Variants in ATP8A2 observed in about 807,000 individuals in gnomAD.
The protein encoded by ATP8A2 is phospholipid-transporting ATPase IB.
Under a neutral mutation model 165.6 loss-of-function variants are expected in ATP8A2, and 100 were observed. The ratio of observed to expected loss-of-function variants is 0.60; its 90% CI spans 0.51 to 0.71. ATP8A2 has a LOEUF of 0.71. Ranked by LOEUF, ATP8A2 falls within the 30% of genes least tolerant of loss-of-function variation. ATP8A2 has a pLI of 0.00. For missense variants in ATP8A2, 1,227 were observed against 1,479.5 expected, an observed-to-expected ratio of 0.83 and a Z score of 2.80; for synonymous variants, 543 against 548.8, an observed-to-expected ratio of 0.99 and a Z score of 0.15.
chr13:25,465,707 C>CTTTCTTTCTTTCTTTCT (rs2035629265), intron 1 of ATP8A2, among the ~76,000 whole-genome samples: 11 of 22,862 alleles, frequency 4.8e-4, no homozygotes, highest in African/African-American at 9.9e-4. Flanking sequence ...TTCTTTCTTT[C>CTTTCTTTCTTTCTTTCT]TTTCTTTCTT....
chr13:25,885,900 A>G (rs1399227918), intron 33 of ATP8A2, among the ~76,000 whole-genome samples: 1 of 152,156 alleles, frequency 6.6e-6, no homozygotes. Flanking sequence ...CAGGATCCCT[A>G]GTGAAGGAAG....
chr13:25,995,652 T>C (rs1956484839), intron 35 of ATP8A2, among the ~76,000 whole-genome samples: 1 of 152,086 alleles, frequency 6.6e-6, no homozygotes, highest in Non-Finnish European at 1.5e-5. Flanking sequence ...GTTTGTAGCA[T>C]GTATTGTGTA....
intron 27 of ATP8A2, among the ~76,000 whole-genome samples, chr13:25,819,842 C>T (rs956350646): frequency 2.0e-5 from 3 of 152,188 alleles, no homozygotes; most frequent in Admixed American, 6.5e-5. Flanking sequence ...TCAAAAAAAA[C>T]CTGAAGCATT....
intron 18 of ATP8A2, among the ~76,000 whole-genome samples, chr13:25,573,460 G>A (rs1240801857): frequency 1.3e-5 from 2 of 152,148 alleles, no homozygotes; most frequent in Non-Finnish European, 2.9e-5. Flanking sequence ...GTAGATAACA[G>A]TAATAAAAAG....
At chr13:25,680,138 G>A (rs1055433258) in intron 24 of ATP8A2, among the ~76,000 whole-genome samples, 4 of 152,146 alleles carry the variant, frequency 2.6e-5, no homozygotes, top group Non-Finnish European at 4.4e-5. Flanking sequence ...GAAAAGATAC[G>A]TTGAGTTGTT....
rs1358877367 is a variant in ATP8A2 at position 25,624,733 on chromosome 13, TG to T, written c.2211+35036del. ...TGTGTGAGTTACACTTGCACAGGGG[TG>T]GTCTTGTCTCTGAGCTGCTTTCAGA... On this transcript the variant is annotated intron_variant, in intron 24 of 36. Coordinates refer to ENST00000381655, the MANE Select transcript of ATP8A2 (RefSeq NM_016529.6). Among the ~76,000 whole-genome samples the T allele has an allele frequency of 2.0e-5, 3 of 152,142 alleles. No homozygotes were observed. The East Asian group carries it at 5.8e-4, about 29-fold the overall frequency.
chr13:25,423,897 A>C (rs541752937), intron 1 of ATP8A2, among the ~76,000 whole-genome samples: 59 of 152,322 alleles, frequency 3.9e-4, no homozygotes, highest in Admixed American at 9.2e-4. Flanking sequence ...GTGTGTACAA[A>C]TAATTCTAAC....
intron 1 of ATP8A2, among the ~76,000 whole-genome samples, chr13:25,427,772 T>C (rs2034492416): frequency 6.6e-6 from 1 of 152,090 alleles, no homozygotes; most frequent in Admixed American, 6.6e-5. Context: ...CAGGTGCTTG[T>C]AGTCCCAGCT....
intron 33 of ATP8A2, among the ~76,000 whole-genome samples, chr13:25,911,230 G>A (rs1954096428): frequency 6.6e-6 from 1 of 152,186 alleles, no homozygotes; most frequent in African/African-American, 2.4e-5. Flanking sequence ...GATGACAAAA[G>A]AACTAATGTT....
At chr13:25,521,236 G>A (rs1386552116) in intron 2 of ATP8A2, among the ~76,000 whole-genome samples, 9 of 152,042 alleles carry the variant, frequency 5.9e-5, no homozygotes. Context: ...TAGCTGTTGA[G>A]TTGTTTGAGC....
intron 24 of ATP8A2, among the ~76,000 whole-genome samples, chr13:25,662,310 A>G (rs933700123): frequency 1.3e-5 from 2 of 152,208 alleles, no homozygotes; most frequent in Non-Finnish European, 2.9e-5. Context: ...TTTGTGGGCT[A>G]CATTCTTGGC....
At chr13:25,620,804 G>A (rs1046992323) in intron 24 of ATP8A2, among the ~76,000 whole-genome samples, 2 of 152,192 alleles carry the variant, frequency 1.3e-5, no homozygotes, top group African/African-American at 4.8e-5. Flanking sequence ...TAGGCACAAT[G>A]TAGCTTGCTG....
At chr13:25,681,899 G>C (rs1271419562) in intron 24 of ATP8A2, among the ~76,000 whole-genome samples, 2 of 151,204 alleles carry the variant, frequency 1.3e-5, no homozygotes, top group African/African-American at 4.8e-5. Flanking sequence ...ACTTGGGACT[G>C]ACTGCCTTGG....
Position 25,397,047 on chromosome 13 carries a change from G to A in ATP8A2, c.76+24759G>A, listed in dbSNP as rs370906820. Among the ~76,000 whole-genome samples the A allele has an allele frequency of 4.6e-5, 7 of 152,156 alleles. No individual in the cohort carries two copies. The East Asian group carries it at 1.4e-3, about 29-fold the overall frequency. ...AAGGCGTGCCCCTTGGTGGGGGTGG[G>A]GGTGGCTGTTTTCGCTGAGTTAAAT... On this transcript the variant is annotated intron_variant, in intron 1 of 36. Transcript: ENST00000381655.
At chr13:25,472,692 C>T (rs1355267327) in intron 2 of ATP8A2, among the ~76,000 whole-genome samples, 1 of 152,066 alleles carries the variant, frequency 6.6e-6, no homozygotes, top group Non-Finnish European at 1.5e-5. Context: ...TATCCCAGTT[C>T]CTTTGCCCCT....
chr13:25,867,653 C>T (rs567643298), intron 33 of ATP8A2, among the ~76,000 whole-genome samples: 6 of 152,304 alleles, frequency 3.9e-5, no homozygotes, highest in Non-Finnish European at 1.5e-5. Context: ...GTGAAAGCTT[C>T]ATCCCATCCC....
chr13:25,593,352 C>T (rs1172084159), intron 24 of ATP8A2, among the ~76,000 whole-genome samples: 1 of 152,084 alleles, frequency 6.6e-6, no homozygotes, highest in Non-Finnish European at 1.5e-5. Context: ...TTCATCAGAC[C>T]AGTAAGTATG....
chr13:25,445,655 T>C (rs370991900), intron 1 of ATP8A2, among the ~76,000 whole-genome samples: 4 of 152,226 alleles, frequency 2.6e-5, no homozygotes, highest in African/African-American at 9.6e-5. Flanking sequence ...AAATACCATT[T>C]GAATTTTACA....
At chr13:25,770,071 C>T (rs2044586103) in intron 26 of ATP8A2, among the ~76,000 whole-genome samples, 1 of 152,198 alleles carries the variant, frequency 6.6e-6, no homozygotes, top group Non-Finnish European at 1.5e-5. Flanking sequence ...TTGCTTCTAA[C>T]CTCCAAGCTG....
Sources: gnomAD v4.1 joint callset for allele counts (sites outside exome capture counted in the v4.1 genomes callset) on GRCh38, gnomAD v4.1.1 for gene constraint, MANE v1.5 for transcripts, NCBI Gene and HGNC (gene_info 2026-07-23, HGNC 2026-07-21) for gene names.